OSBPL2: variants seen among roughly 807,000 people sequenced by gnomAD.
OSBPL2 encodes oxysterol binding protein like 2, also known as oxysterol-binding protein-related protein 2.
In OSBPL2, 18 loss-of-function variants were observed where a neutral mutation model predicts 58.4. The observed-to-expected ratio is 0.31, with a 90% CI of 0.21 to 0.46. OSBPL2 has a LOEUF of 0.46. Among genes scored for constraint, OSBPL2 ranks in the 20% least tolerant of loss-of-function variants. The pLI is 1.00. For synonymous variants in OSBPL2, 221 were observed against 234.1 expected (o/e 0.94, Z 0.51); for missense variants, 461 against 616.5 (o/e 0.75, Z 2.67).
At chr20:62,244,759 G>A (rs1052294154) in intron 1 of OSBPL2, among the ~76,000 whole-genome samples, 9 of 152,218 alleles carry the variant, frequency 5.9e-5, no homozygotes, top group Non-Finnish European at 1.0e-4. Context: ...CTTCCGGGAC[G>A]TCGGGCCACA....
chr20:62,265,694 A>AT (rs1008704942), intron 4 of OSBPL2, among the ~76,000 whole-genome samples: 4 of 152,046 alleles, frequency 2.6e-5, no homozygotes, highest in Non-Finnish European at 5.9e-5. Context: ...ACCATTTGAG[A>AT]TTTTTTTTCT....
At chr20:62,273,486 C>A in intron 6 of OSBPL2, 80 bp downstream of exon 6, 1 of 1,075,490 alleles carries the variant, frequency 9.3e-7, no homozygotes, top group Non-Finnish European at 1.4e-6. Flanking sequence ...CTTTCACTAG[C>A]ATTGATTCCT....
At chr20:62,242,706 C>T (rs1216341815) in intron 1 of OSBPL2, 1 of 152,340 alleles carries the variant, frequency 6.6e-6, no homozygotes, top group Non-Finnish European at 1.5e-5. Context: ...GGGCTGTGGC[C>T]CCGACGCTGA....
At position 62,269,336 on chromosome 20, in the gene OSBPL2, C is replaced by T. The variant is rs772697528; in HGVS notation, c.259-2789C>T. 1.5e-4 allele frequency among the ~76,000 whole-genome samples: 23 copies of T among 152,206 alleles called. No individual in the cohort carries two copies. Among genetic ancestry groups the T allele is most frequent in the Non-Finnish European group, 2.8e-4 (19 of 68,034 alleles). On this transcript the variant is annotated intron_variant, in intron 4 of 13. Coordinates refer to ENST00000313733, the MANE Select transcript of OSBPL2 (RefSeq NM_144498.4). This position sits in a 1 kb window ranked among gnomAD's most constrained non-coding sequence, Gnocchi z 4.2. ...TCCAGCCGTGCGGCAGCAAAGAGCC[C>T]TGCATGTGTGTTTGGCCGAGGCTCT...
Position 62,293,948 on chromosome 20 carries a change from G to A in OSBPL2, c.*61G>A. ...TGACGAGGCTGGACTTCCTCGAGTG[G>A]CCACTGTGAGCCTCGTCACAGCAGA... On this transcript the variant is annotated 3_prime_UTR_variant, in exon 14 of 14. Transcript: ENST00000313733. The A allele has an allele frequency of 6.3e-7, 1 of 1,577,784 alleles. No homozygotes were observed. Among genetic ancestry groups the A allele is most frequent in the South Asian group, 1.2e-5 (1 of 86,588 alleles).
intron 7 of OSBPL2, chr20:62,279,964 C>T: frequency 1.5e-6 from 2 of 1,303,800 alleles, no homozygotes; most frequent in Admixed American, 2.3e-5. Context: ...TGAGAGGCTG[C>T]TTGCCACCCC....
At chr20:62,254,790 A>G (rs1283442587) in intron 1 of OSBPL2, among the ~76,000 whole-genome samples, 1 of 152,318 alleles carries the variant, frequency 6.6e-6, no homozygotes, top group East Asian at 1.9e-4. Flanking sequence ...GCTTTTCCTG[A>G]TGGGAGACAC....
At chr20:62,285,023 TTAAAAA>T (rs1312185807) in intron 10 of OSBPL2, 1 of 152,234 alleles carries the variant, frequency 6.6e-6, no homozygotes, top group African/African-American at 2.4e-5. Context: ...GTTCTTGAAC[TTAAAAA>T]TAAAAGGGAT....
At chr20:62,261,584 C>A (rs1981311699) in intron 3 of OSBPL2, among the ~76,000 whole-genome samples, 1 of 152,134 alleles carries the variant, frequency 6.6e-6, no homozygotes, top group Admixed American at 6.5e-5. Flanking sequence ...GGAGCCCCCA[C>A]CCCCGCTCCT....
At chr20:62,285,275 T>G (rs1327618168) in intron 10 of OSBPL2, 1 of 152,230 alleles carries the variant, frequency 6.6e-6, no homozygotes, top group Non-Finnish European at 1.5e-5. Flanking sequence ...TAGCGATGTC[T>G]TTTGATGCTT....
At position 62,284,097 on chromosome 20, in the gene OSBPL2, C is replaced by T. The variant is rs1329446028; in HGVS notation, c.924C>T (p.Gly308=). The change falls in exon 10 of 14, where the codon GGC becomes GGT. Residue 308 remains glycine (G), a synonymous_variant. Coordinates refer to ENST00000313733, the MANE Select transcript of OSBPL2 (RefSeq NM_144498.4). ...IYGKWTECLW[G]IDPVSYESFK... The stretch of plus-strand genomic sequence containing the variant: ...GCAAATGGACGGAATGTTTGTGGGG[C>T]ATAGATCCTGTTTCGTATGAATCCT... 1 of 1,613,970 alleles carries T rather than the reference C, an allele frequency of 6.2e-7. No individual in the cohort carries two copies. The highest frequency in any genetic ancestry group is 8.5e-7 in the Non-Finnish European group (1 of 1,179,848).
At chr20:62,273,942 C>T (rs1173399181) in intron 6 of OSBPL2, among the ~76,000 whole-genome samples, 3 of 152,230 alleles carry the variant, frequency 2.0e-5, no homozygotes, top group Admixed American at 6.5e-5. Flanking sequence ...AACCAGACCA[C>T]GCCTCATCTC....
chr20:62,289,127 G>A, intron 11 of OSBPL2, 80 bp from the exon 12 acceptor site: 1 of 1,523,872 alleles, frequency 6.6e-7, no homozygotes, highest in Non-Finnish European at 9.0e-7. Flanking sequence ...CGGGATTTCA[G>A]GGGCCCACTG....
rs147353074 is a variant in OSBPL2 at position 62,258,622 on chromosome 20, C to T, written c.38-1359C>T. Among the ~76,000 whole-genome samples, 452 of 152,280 alleles carry T rather than the reference C, an allele frequency of 3.0e-3. 2 individuals are homozygous for T. Among genetic ancestry groups the T allele is most frequent in the African/African-American group, 0.01 (432 of 41,558 alleles). On this transcript the variant is annotated intron_variant, in intron 2 of 13. Coordinates refer to ENST00000313733, the MANE Select transcript of OSBPL2 (RefSeq NM_144498.4). ...GTGGTGTCTTAGAATGTTATTAGGC[C>T]ATCCGAGTAGCGTTGGCTGAGTCGG... is the stretch of plus-strand genomic sequence containing the variant.
At chr20:62,264,727 CCAAAG>C (rs1464918589) in intron 4 of OSBPL2, 1 of 152,206 alleles carries the variant, frequency 6.6e-6, no homozygotes, top group Non-Finnish European at 1.5e-5. Flanking sequence ...AGGTCAGTGA[CCAAAG>C]CAAGAAATGC....
At chr20:62,243,863 A>ATT (rs11204468) in intron 1 of OSBPL2, among the ~76,000 whole-genome samples, 80 of 151,468 alleles carry the variant, frequency 5.3e-4, no homozygotes, top group Admixed American at 1.2e-3. Context: ...TTAAAAAAAA[A>ATT]TTTTTTTTGC....
chr20:62,287,038 G>A (rs1322440467), intron 11 of OSBPL2, among the ~76,000 whole-genome samples: 2 of 152,240 alleles, frequency 1.3e-5, no homozygotes, highest in Non-Finnish European at 2.9e-5. Context: ...GCTTCCCCTG[G>A]GAACATCAGA....
At chr20:62,261,090 G>A (rs1981269728) in intron 3 of OSBPL2, among the ~76,000 whole-genome samples, 1 of 152,048 alleles carries the variant, frequency 6.6e-6, no homozygotes, top group Non-Finnish European at 1.5e-5. Flanking sequence ...GGCCGAGGTG[G>A]GCGGATCATG....
rs1344685483 is a variant in OSBPL2 at position 62,249,821 on chromosome 20, G to A, written c.-128-6236G>A. ...ACTCCCGACCTCAGGTGATCCACCC[G>A]CCTCAGCCTCCCAAAGTGCTGGGAT... is the stretch of plus-strand genomic sequence containing the variant. On this transcript the variant is annotated intron_variant, in intron 1 of 13. Coordinates refer to ENST00000313733, the MANE Select transcript of OSBPL2 (RefSeq NM_144498.4). 4.6e-5 allele frequency among the ~76,000 whole-genome samples: 7 copies of A among 152,280 alleles called. No homozygotes were observed. The East Asian group carries it at 1.4e-3, about 29-fold the overall frequency.
Sources: gnomAD v4.1 joint callset for allele counts (sites outside exome capture counted in the v4.1 genomes callset) on GRCh38, gnomAD v4.1.1 for gene constraint, Gnocchi (gnomAD v3.1) non-coding constraint, MANE v1.5 for transcripts, NCBI Gene and HGNC (gene_info 2026-07-23, HGNC 2026-07-21) for gene names.